The following ZNRF1 variants were observed in gnomAD, a reference collection of about 807,000 sequenced individuals.
ZNRF1 encodes zinc and ring finger 1, also known as E3 ubiquitin-protein ligase ZNRF1.
ZNRF1 carries 3 observed loss-of-function variants against 18.4 expected under a neutral mutation model. The observed-to-expected ratio is 0.16, with a 90% CI of 0.07 to 0.42. The LOEUF (loss-of-function observed/expected upper bound fraction) is 0.42. ZNRF1 is among the 10% of genes least tolerant of loss of function. The probability of loss-of-function intolerance (pLI) is 0.99; values close to 1 mark genes in which losing one functional copy is unlikely to be tolerated. For missense variants in ZNRF1, 310 were observed against 329.8 expected (o/e 0.94, Z 0.47); for synonymous variants, 157 against 144.2 (o/e 1.09, Z -0.64).
chr16:75,050,639 C>T (rs907348716), intron 1 of ZNRF1, among the ~76,000 whole-genome samples: 7 of 151,738 alleles, frequency 4.6e-5, no homozygotes, highest in African/African-American at 1.7e-4. Context: ...GAGGCCAAGG[C>T]GGGCGGATCA....
intron 1 of ZNRF1, among the ~76,000 whole-genome samples, chr16:75,012,918 G>A (rs1567465502): frequency 6.6e-6 from 1 of 152,136 alleles, no homozygotes; most frequent in African/African-American, 2.4e-5. Flanking sequence ...CTCAATAAAG[G>A]GGAAACAGGA....
chr16:75,086,488 C>G (rs1449067889), intron 1 of ZNRF1, among the ~76,000 whole-genome samples: 2 of 152,194 alleles, frequency 1.3e-5, no homozygotes, highest in African/African-American at 4.8e-5. Flanking sequence ...TGACTCACAC[C>G]TCAGCAACTG....
At chr16:75,041,679 C>T (rs1031029914) in intron 1 of ZNRF1, among the ~76,000 whole-genome samples, 5 of 152,192 alleles carry the variant, frequency 3.3e-5, no homozygotes, top group Middle Eastern at 3.4e-3. Context: ...GATCCCTTTT[C>T]ATGTGTTTAA....
At chr16:75,019,406 T>C (rs909430362) in intron 1 of ZNRF1, among the ~76,000 whole-genome samples, 2 of 152,146 alleles carry the variant, frequency 1.3e-5, no homozygotes, top group African/African-American at 4.8e-5. Context: ...AAGACATAAC[T>C]GTAGTATTTT....
chr16:75,075,072 C>T (rs2035921842), intron 1 of ZNRF1, among the ~76,000 whole-genome samples: 1 of 121,450 alleles, frequency 8.2e-6, no homozygotes, highest in African/African-American at 3.2e-5. Context: ...CTTTTCCCCC[C>T]TATCTCTGGG....
chr16:75,093,728 T>C, intron 2 of ZNRF1, 61 bp downstream of exon 2: 1 of 1,375,848 alleles, frequency 7.3e-7, no homozygotes, highest in Non-Finnish European at 1.0e-6. Context: ...CGGCCAGTCC[T>C]TGTGGGAGCC....
chr16:75,108,366 T>A lies in ZNRF1; in HGVS notation c.*666T>A, dbSNP rs977274893. On this transcript the variant is annotated 3_prime_UTR_variant, in exon 5 of 5. Coordinates refer to ENST00000335325, the MANE Select transcript of ZNRF1 (RefSeq NM_032268.5). ...TCTCTTTTCCCTTCTTTCCTCCTGG[T>A]TCCGGTCAGTTCAGAGGATTTAACA... 5.2e-6 allele frequency: 2 copies of A among 387,158 alleles called. No homozygotes were observed. The highest frequency in any genetic ancestry group is 9.1e-6 in the Non-Finnish European group (2 of 220,162). The allele number at this position is 387,158 out of a possible 1,614,324, so 24.0% of individuals were successfully genotyped here.
chr16:75,005,274 C>T (rs554528311), intron 1 of ZNRF1, among the ~76,000 whole-genome samples: 4 of 152,272 alleles, frequency 2.6e-5, no homozygotes, highest in Non-Finnish European at 5.9e-5. Context: ...AAAGTTACCC[C>T]GAGGCAAAGA....
chr16:75,038,816 G>C (rs1472314118), intron 1 of ZNRF1, among the ~76,000 whole-genome samples: 2 of 152,038 alleles, frequency 1.3e-5, no homozygotes, highest in Admixed American at 1.3e-4. Context: ...CCACTCCTTT[G>C]AGCCATACTG....
intron 1 of ZNRF1, among the ~76,000 whole-genome samples, chr16:75,089,265 G>A (rs141625616): frequency 0.015 from 2,339 of 151,800 alleles, 33 homozygotes; most frequent in Middle Eastern, 0.037. Flanking sequence ...ACCATGCCCA[G>A]CTAATTAAAA....
At chr16:75,106,795 A>G (rs1470171620) in intron 4 of ZNRF1, 5 of 496,864 alleles carry the variant, frequency 1.0e-5, no homozygotes, top group Non-Finnish European at 1.8e-5. Flanking sequence ...CAGGCTCAGA[A>G]GAGTTAGGAT....
At chr16:75,037,712 T>C (rs1352501146) in intron 1 of ZNRF1, among the ~76,000 whole-genome samples, 1 of 152,128 alleles carries the variant, frequency 6.6e-6, no homozygotes, top group Non-Finnish European at 1.5e-5. Context: ...CCATCTCCTT[T>C]AACATTGTAA....
intron 1 of ZNRF1, 62 bp downstream of exon 1, chr16:75,000,157 C>T (rs2034823878): frequency 3.9e-6 from 6 of 1,555,614 alleles, no homozygotes; most frequent in Non-Finnish European, 5.2e-6. Context: ...CAAGCCTTCG[C>T]GTGCGTGCCA....
At position 74,999,765 on chromosome 16, in the gene ZNRF1, C is replaced by T; in HGVS notation, c.94C>T (p.Pro32Ser). The T allele has an allele frequency of 3.6e-6, 5 of 1,394,518 alleles. No homozygotes were observed. The highest frequency in any genetic ancestry group is 4.6e-6 in the Non-Finnish European group (5 of 1,080,770). 86.4% of individuals were successfully genotyped at this position (1,394,518 alleles called of 1,614,324 possible). Residue 32 changes from proline to serine, a missense_variant, in exon 1 of 5, where the codon CCC becomes TCC. By Grantham distance (74) the Pro-to-Ser change is moderately conservative (BLOSUM62 -1). This residue lies in a region of ZNRF1 where 293 missense variants were observed against 291.2 expected (regional missense o/e 1.01). Coordinates refer to ENST00000335325, the MANE Select transcript of ZNRF1 (RefSeq NM_032268.5). ...DSAVPPPGGA[P>S]HFGHYRTGGG... is the part of the protein sequence containing the mutation. Reference sequence around the variant, plus strand: ...CGCCGTGCCGCCGCCGGGAGGGGCGCCCCATTTCGGGCACTACCGGACGGG... The same window carrying T: ...CGCCGTGCCGCCGCCGGGAGGGGCGTCCCATTTCGGGCACTACCGGACGGG...
chr16:75,075,202 T>C (rs998433283), intron 1 of ZNRF1, among the ~76,000 whole-genome samples: 2 of 152,280 alleles, frequency 1.3e-5, no homozygotes, highest in African/African-American at 2.4e-5. Context: ...TGATTTAGCA[T>C]AGGGGGAAAG....
chr16:75,049,020 T>G (rs1210813365), intron 1 of ZNRF1, among the ~76,000 whole-genome samples: 3 of 151,418 alleles, frequency 2.0e-5, no homozygotes, highest in African/African-American at 7.3e-5. Flanking sequence ...TTTTTTTTTT[T>G]GAGATGGAGT....
intron 1 of ZNRF1, among the ~76,000 whole-genome samples, chr16:75,003,725 T>G (rs2034882827): frequency 1.3e-5 from 2 of 152,198 alleles, no homozygotes; most frequent in South Asian, 4.1e-4. Context: ...CATCTCCTGG[T>G]TAGGCAGCTG....
intron 1 of ZNRF1, among the ~76,000 whole-genome samples, chr16:75,023,434 G>A (rs2035179748): frequency 6.6e-6 from 1 of 152,146 alleles, no homozygotes; most frequent in African/African-American, 2.4e-5. Flanking sequence ...CTGTAAACCT[G>A]GCACTTTGGG....
At chr16:75,104,669 C>A (rs2036292569) in intron 2 of ZNRF1, 115 bp from the exon 3 acceptor site, 4 of 832,298 alleles carry the variant, frequency 4.8e-6, no homozygotes, top group African/African-American at 1.7e-5. Context: ...CCCTGCAGAG[C>A]CGGGCACAGC....
Sources: gnomAD v4.1 joint callset for allele counts (sites outside exome capture counted in the v4.1 genomes callset) on GRCh38, gnomAD v4.1.1 for gene constraint, gnomAD v4.1.1 regional missense constraint, MANE v1.5 for transcripts, NCBI Gene and HGNC (gene_info 2026-07-23, HGNC 2026-07-21) for gene names.